Variants in SLC35D4 observed in about 807,000 individuals in gnomAD.
The protein encoded by SLC35D4 is UDP-N-acetylglucosamine transporter SLC35D4.
the SLC35D4 span, chr18:23,252,952 T>G: frequency 6.3e-6 from 10 of 1,582,370 alleles, no homozygotes; most frequent in South Asian, 1.1e-4. Context: ...TTCCCCTGTC[T>G]GTTACAGACA....
At chr18:23,253,865 G>C in the SLC35D4 span, 1 of 1,614,206 alleles carries the variant, frequency 6.2e-7, no homozygotes, top group Non-Finnish European at 8.5e-7. Context: ...GCTGTGTGCT[G>C]GGGCATGTGT....
the SLC35D4 span, among the ~76,000 whole-genome samples, chr18:23,275,009 ATG>A: frequency 3.9e-4 from 9 of 23,226 alleles, no homozygotes; most frequent in Non-Finnish European, 5.2e-4. Context: ...GTGCTTGTGT[ATG>A]TGTGTGCTTG....
At chr18:23,406,287 C>T in the SLC35D4 span, among the ~76,000 whole-genome samples, 1 of 152,122 alleles carries the variant, frequency 6.6e-6, no homozygotes, top group Non-Finnish European at 1.5e-5. Context: ...CACACATTTC[C>T]CTGGGCTGGG....
chr18:23,241,761 G>T, the SLC35D4 span, among the ~76,000 whole-genome samples: 2 of 152,144 alleles, frequency 1.3e-5, no homozygotes, highest in African/African-American at 4.8e-5. Flanking sequence ...ATCTTTGTGC[G>T]TGTGTGTCCT....
chr18:23,275,394 G>C, the SLC35D4 span, among the ~76,000 whole-genome samples: 2 of 152,174 alleles, frequency 1.3e-5, no homozygotes, highest in African/African-American at 4.8e-5. Context: ...CGGGCACCTA[G>C]AGGCTACTCA....
chr18:23,434,967 G>C, the SLC35D4 span, among the ~76,000 whole-genome samples: 4 of 151,884 alleles, frequency 2.6e-5, no homozygotes, highest in African/African-American at 9.7e-5. Context: ...AGACCAGCCT[G>C]GCCAACATGA....
At chr18:23,387,941 G>C in the SLC35D4 span, among the ~76,000 whole-genome samples, 1 of 151,506 alleles carries the variant, frequency 6.6e-6, no homozygotes, top group South Asian at 2.1e-4. Flanking sequence ...TTCTCCATTA[G>C]GCCCATGTTT....
chr18:23,369,951 C>T, the SLC35D4 span, among the ~76,000 whole-genome samples: 33 of 152,256 alleles, frequency 2.2e-4, no homozygotes, highest in Admixed American at 1.4e-3. Flanking sequence ...GAGGCCGAGG[C>T]GGGCGGATCA....
At chr18:23,291,935 G>A in the SLC35D4 span, among the ~76,000 whole-genome samples, 2 of 152,196 alleles carry the variant, frequency 1.3e-5, no homozygotes, top group African/African-American at 2.4e-5. Flanking sequence ...GGGGCCAGGA[G>A]AAGCCCAAAA....
At chr18:23,253,837 C>G in the SLC35D4 span, 1 of 1,614,244 alleles carries the variant, frequency 6.2e-7, no homozygotes, top group Middle Eastern at 1.6e-4. Flanking sequence ...AGGGGAAACT[C>G]AACAAACAGA....
chr18:23,351,158 G>T, the SLC35D4 span, among the ~76,000 whole-genome samples: 1 of 152,172 alleles, frequency 6.6e-6, no homozygotes, highest in African/African-American at 2.4e-5. Flanking sequence ...TGTAATCCTA[G>T]CACTTTGGGA....
the SLC35D4 span, among the ~76,000 whole-genome samples, chr18:23,390,194 T>G: frequency 6.6e-6 from 1 of 152,206 alleles, no homozygotes; most frequent in African/African-American, 2.4e-5. Context: ...GGTTCTCTTT[T>G]TTACCTGACT....
chr18:23,239,285 G>A, the SLC35D4 span, among the ~76,000 whole-genome samples: 1 of 152,226 alleles, frequency 6.6e-6, no homozygotes, highest in Non-Finnish European at 1.5e-5. Context: ...TGGCTCTGCA[G>A]TCAGTGCTTC....
At chr18:23,355,033 G>GC in the SLC35D4 span, among the ~76,000 whole-genome samples, 51 of 152,094 alleles carry the variant, frequency 3.4e-4, no homozygotes, top group Admixed American at 9.8e-4. Flanking sequence ...CCCCTCCTGA[G>GC]CCCCCCCAGA....
At chr18:23,290,629 T>A in the SLC35D4 span, among the ~76,000 whole-genome samples, 11 of 94,806 alleles carry the variant, frequency 1.2e-4, no homozygotes, top group Admixed American at 3.9e-4. Flanking sequence ...ACTCTGAAAT[T>A]CTTTTTTTTT....
At chr18:23,414,942 G>T in the SLC35D4 span, among the ~76,000 whole-genome samples, 1 of 152,048 alleles carries the variant, frequency 6.6e-6, no homozygotes, top group Admixed American at 6.6e-5. Flanking sequence ...GTGAGATGCT[G>T]TCTCTACAAA....
the SLC35D4 span, among the ~76,000 whole-genome samples, chr18:23,388,668 C>T: frequency 1.3e-5 from 2 of 152,148 alleles, no homozygotes; most frequent in Non-Finnish European, 2.9e-5. Flanking sequence ...GCTCTGTGTC[C>T]CCACCCAAAT....
chr18:23,267,851 G>A, the SLC35D4 span, among the ~76,000 whole-genome samples: 16 of 152,264 alleles, frequency 1.1e-4, no homozygotes, highest in East Asian at 1.9e-4. Context: ...ACACAGGCCC[G>A]CACCATGTGC....
the SLC35D4 span, among the ~76,000 whole-genome samples, chr18:23,368,438 G>A: frequency 1.3e-5 from 2 of 152,180 alleles, no homozygotes; most frequent in Non-Finnish European, 2.9e-5. Flanking sequence ...GTGAGGGTGT[G>A]GCCTCTGGGA....
Sources: allele counts gnomAD v4.1 joint callset (sites outside exome capture counted in the v4.1 genomes callset), GRCh38; gene constraint gnomAD v4.1.1; transcripts MANE v1.5; gene names NCBI Gene and HGNC (gene_info 2026-07-23, HGNC 2026-07-21).